The following GTF3C5 variants were observed in gnomAD, a reference collection of about 807,000 sequenced individuals.
The protein encoded by GTF3C5 is general transcription factor 3C polypeptide 5.
Under a neutral mutation model 61.0 loss-of-function variants are expected in GTF3C5, and 47 were observed. The observed-to-expected ratio is 0.77, with a 90% CI of 0.61 to 0.98. The LOEUF (loss-of-function observed/expected upper bound fraction) is 0.98. GTF3C5 is among the 50% of genes least tolerant of loss of function. The pLI, the probability that GTF3C5 is intolerant of heterozygous loss-of-function variation, is 0.00. For synonymous variants in GTF3C5, 295 were observed against 275.4 expected (o/e 1.07, Z -0.71); for missense variants, 659 against 703.3 (o/e 0.94, Z 0.71).
intron 1 of GTF3C5, among the ~76,000 whole-genome samples, chr9:133,035,201 T>C (rs895405076): frequency 1.3e-5 from 2 of 152,228 alleles, no homozygotes; most frequent in Admixed American, 1.3e-4. Context: ...CAATCAATGC[T>C]TTAATTACAT....
Position 133,044,166 on chromosome 9 carries a change from A to AAG in GTF3C5, c.572+241_572+242insGA, listed in dbSNP as rs1554729431. 17 of 523,866 alleles carry AAG rather than the reference A, an allele frequency of 3.2e-5. No individual in the cohort carries two copies. The African/African-American group carries it at 3.5e-4, about 11-fold the overall frequency. 32.5% of individuals were successfully genotyped at this position (523,866 alleles called of 1,614,324 possible). A position where few individuals can be genotyped will look rare whatever the true frequency, so the allele number is the denominator to read the frequency against. ...TCTCCCAAAAAAAAAAAAAAAAAAAAAAAGAAAATGGGATGACAGTAGTAC... is the reference window on the plus strand; with the variant it reads ...TCTCCCAAAAAAAAAAAAAAAAAAAAAGAAAGAAAATGGGATGACAGTAGTAC... On this transcript the variant is annotated intron_variant, in intron 3 of 10. Transcript: ENST00000372097.
At chr9:133,054,527 T>C in intron 7 of GTF3C5, 39 bp downstream of exon 7, 1 of 1,593,216 alleles carries the variant, frequency 6.3e-7, no homozygotes. Flanking sequence ...CATGAGTGAT[T>C]TGCCAAGGAA....
At chr9:133,056,133 C>T (rs763143722) in intron 9 of GTF3C5, 39 bp downstream of exon 9, 39 of 1,571,968 alleles carry the variant, frequency 2.5e-5, no homozygotes, top group Admixed American at 3.3e-5. Flanking sequence ...GAGGGGGGCC[C>T]GTGGGACCCA....
Position 133,050,995 on chromosome 9 carries a change from G to A in GTF3C5, c.768+17G>A, listed in dbSNP as rs745312663. ...CTGAGGAAGGCAAGTCCTGCGCTGC[G>A]CCTGGCCCCGGTGGCTCCAGCCTCT... is the stretch of plus-strand genomic sequence containing the variant. On this transcript the variant is annotated intron_variant, in intron 4 of 10. Coordinates refer to ENST00000372097, the MANE Select transcript of GTF3C5 (RefSeq NM_012087.4). 31 of 1,564,214 alleles carry A rather than the reference G, an allele frequency of 2.0e-5. No individual in the cohort carries two copies. In the African/African-American group the frequency reaches 3.2e-4, roughly 16 times the overall value.
At chr9:133,039,978 T>G (rs1295461622) in intron 1 of GTF3C5, among the ~76,000 whole-genome samples, 2 of 152,226 alleles carry the variant, frequency 1.3e-5, no homozygotes, top group African/African-American at 2.4e-5. Flanking sequence ...AAGCCCTGAA[T>G]TCATTAAGCA....
rs779842403 is a variant in GTF3C5, at chr9:133,042,236, T to C, written c.303T>C (p.Thr101=). Residue 101 remains threonine (T), a synonymous_variant, in exon 2 of 11, where the codon ACT becomes ACC. Transcript: ENST00000372097. ...RTRRQKGVLG[T]EAHSEVTFDM... ...GGCGGCAGAAAGGGGTGCTGGGCAC[T>C]GAGGCCCACTCCGAGGTCACATTTG... The C allele has an allele frequency of 9.3e-6, 15 of 1,613,568 alleles. No homozygotes were observed. Among genetic ancestry groups the C allele is most frequent in the Non-Finnish European group, 1.2e-5 (14 of 1,179,542 alleles).
chr9:133,055,553 T>C, intron 8 of GTF3C5: 4 of 985,408 alleles, frequency 4.1e-6, no homozygotes, highest in Non-Finnish European at 4.8e-6. Context: ...TAGAACTACA[T>C]GGCTGGGTAC....
At position 133,058,018 on chromosome 9, in the gene GTF3C5, T is replaced by G; in HGVS notation, c.*38T>G. Reference sequence around the variant, plus strand: ...CTGGGCCTCCCTGACCCGGCCAGACTGGTGTCTGGCCTAATGAGGGAGCCG... The same window carrying G: ...CTGGGCCTCCCTGACCCGGCCAGACGGGTGTCTGGCCTAATGAGGGAGCCG... On this transcript the variant is annotated 3_prime_UTR_variant, in exon 11 of 11. Transcript: ENST00000372097. The G allele has an allele frequency of 6.2e-7, 1 of 1,610,136 alleles. No individual in the cohort carries two copies. Among genetic ancestry groups the G allele is most frequent in the Non-Finnish European group, 8.5e-7 (1 of 1,177,756 alleles).
chr9:133,031,285 C>G, intron 1 of GTF3C5, 121 bp downstream of exon 1: 1 of 791,602 alleles, frequency 1.3e-6, no homozygotes, highest in Non-Finnish European at 2.0e-6. Flanking sequence ...GGGTGCTGCT[C>G]GCTCTTCTGG....
chr9:133,055,451 C>T (rs2119036270), intron 8 of GTF3C5: 1 of 1,223,642 alleles, frequency 8.2e-7, no homozygotes, highest in Non-Finnish European at 1.0e-6. Context: ...GTTTTTTAGA[C>T]CTTTGCTGCC....
At chr9:133,036,521 C>T (rs1326163565) in intron 1 of GTF3C5, among the ~76,000 whole-genome samples, 2 of 152,098 alleles carry the variant, frequency 1.3e-5, no homozygotes, top group Non-Finnish European at 2.9e-5. Context: ...CCAGTGACCC[C>T]CGTGTTCTTG....
At chr9:133,051,597 C>T (rs969253869) in intron 4 of GTF3C5, among the ~76,000 whole-genome samples, 7 of 152,206 alleles carry the variant, frequency 4.6e-5, no homozygotes, top group East Asian at 3.9e-4. Context: ...TCGTGAGGCC[C>T]GCTGCCCCAG....
intron 10 of GTF3C5, 32 bp from the exon 11 acceptor site, chr9:133,057,782 G>T (rs1199277645): frequency 6.5e-7 from 1 of 1,546,532 alleles, no homozygotes. Flanking sequence ...GCCTGCATGG[G>T]ACACCCATGG....
chr9:133,054,710 A>G lies in GTF3C5; in HGVS notation c.1070-2A>G. 1 of 1,564,698 alleles carries G rather than the reference A, an allele frequency of 6.4e-7. No individual in the cohort carries two copies. The highest frequency in any genetic ancestry group is 8.7e-7 in the Non-Finnish European group (1 of 1,154,346). On this transcript the variant is annotated splice_acceptor_variant, in intron 7 of 10. Coordinates refer to ENST00000372097, the MANE Select transcript of GTF3C5 (RefSeq NM_012087.4). LOFTEE classifies it high-confidence loss of function. Reference sequence around the variant, plus strand: ...CCAAGCACTGCTGTTGTCCCCACGCAGCCAGCCAGCTTGTCACCATGCATG... The same window carrying G: ...CCAAGCACTGCTGTTGTCCCCACGCGGCCAGCCAGCTTGTCACCATGCATG...
chr9:133,054,871 G>T lies in GTF3C5; in HGVS notation c.1167+62G>T, dbSNP rs1223275761. On this transcript the variant is annotated intron_variant, in intron 8 of 10. Coordinates refer to ENST00000372097, the MANE Select transcript of GTF3C5 (RefSeq NM_012087.4). Reference sequence around the variant, plus strand: ...CTTCCCTCTTGGGGCCGGGCACCTTGTGGGTGACACCTGGGGGGCTGTGAT... The same window carrying T: ...CTTCCCTCTTGGGGCCGGGCACCTTTTGGGTGACACCTGGGGGGCTGTGAT... 5.2e-6 allele frequency: 8 copies of T among 1,539,514 alleles called. No individual in the cohort carries two copies. In the East Asian group the frequency reaches 1.7e-4, roughly 33 times the overall value.
chr9:133,034,389 G>A lies in GTF3C5; in HGVS notation c.153+3225G>A, dbSNP rs538348850. On this transcript the variant is annotated intron_variant, in intron 1 of 10. Coordinates refer to ENST00000372097, the MANE Select transcript of GTF3C5 (RefSeq NM_012087.4). ...CCTTTGAGCTTGTTCGTATCTGCAC[G>A]GGGTAAGAACAAGTGTCGAACTGAA... Among the ~76,000 whole-genome samples, 11 of 152,250 alleles carry A rather than the reference G, an allele frequency of 7.2e-5. 1 individual carries two copies. The South Asian group carries it at 1.9e-3, about 26-fold the overall frequency.
At chr9:133,055,493 G>T in intron 8 of GTF3C5, 1 of 1,201,364 alleles carries the variant, frequency 8.3e-7, no homozygotes, top group Middle Eastern at 2.7e-4. Context: ...GCCACAGCCT[G>T]TGCGGCCTTC....
intron 1 of GTF3C5, among the ~76,000 whole-genome samples, chr9:133,041,483 CGGCTGCCAGGCA>C (rs1850037695): frequency 2.6e-5 from 4 of 152,206 alleles, no homozygotes; most frequent in Non-Finnish European, 5.9e-5. Flanking sequence ...CTGTCTGCCT[CGGCTGCCAGGCA>C]GGTAAGGGCC....
chr9:133,051,051 C>A, intron 4 of GTF3C5, 73 bp downstream of exon 4: 2 of 1,209,368 alleles, frequency 1.7e-6, no homozygotes, highest in Non-Finnish European at 2.3e-6. Flanking sequence ...CCCAGCTGCT[C>A]CCTGTTCCTG....
Sources: gnomAD v4.1 joint callset for allele counts (sites outside exome capture counted in the v4.1 genomes callset) on GRCh38, gnomAD v4.1.1 for gene constraint, MANE v1.5 for transcripts, NCBI Gene and HGNC (gene_info 2026-07-23, HGNC 2026-07-21) for gene names.